The following CALN1 variants were observed in gnomAD, a reference collection of about 807,000 sequenced individuals.
The protein encoded by CALN1 is calcium-binding protein 8.
Under a neutral mutation model 30.6 loss-of-function variants are expected in CALN1, and 17 were observed. The observed-to-expected ratio is 0.56, with a 90% confidence interval of 0.38 to 0.83. The LOEUF is 0.83. Ranked by LOEUF, CALN1 falls within the 40% of genes least tolerant of loss-of-function variation. CALN1 has a pLI of 0.00. For missense variants in CALN1, 291 were observed against 354.9 expected (o/e 0.82, Z 1.45); for synonymous variants, 156 against 131.4 (o/e 1.19, Z -1.28).
intron 5 of CALN1, among the ~76,000 whole-genome samples, chr7:71,888,625 A>T (rs1479999647): frequency 6.6e-6 from 1 of 152,180 alleles, no homozygotes; most frequent in African/African-American, 2.4e-5. Flanking sequence ...GGAGGCATCA[A>T]TAAAGTGAAG....
chr7:72,349,201 G>GA (rs898221262), intron 2 of CALN1, among the ~76,000 whole-genome samples: 5 of 152,040 alleles, frequency 3.3e-5, no homozygotes, highest in Admixed American at 1.3e-4. Context: ...TGGCAGGTGG[G>GA]ACAATATCAA....
intron 1 of CALN1, among the ~76,000 whole-genome samples, chr7:72,406,234 C>T (rs73702936): frequency 5.3e-5 from 8 of 152,122 alleles, no homozygotes; most frequent in South Asian, 4.1e-4. Flanking sequence ...CTGCACAAGC[C>T]GGACTAACCA....
intron 2 of CALN1, among the ~76,000 whole-genome samples, chr7:72,318,505 C>CA (rs1416347027): frequency 6.6e-6 from 1 of 152,110 alleles, no homozygotes; most frequent in Non-Finnish European, 1.5e-5. Context: ...ATCAAATGTA[C>CA]AGCTAGCTCT....
At chr7:71,980,179 T>C (rs1390690088) in intron 5 of CALN1, among the ~76,000 whole-genome samples, 2 of 143,276 alleles carry the variant, frequency 1.4e-5, no homozygotes, top group Non-Finnish European at 3.0e-5. Context: ...GCCTGGCCTC[T>C]TCTTTTTCTT....
chr7:71,871,285 T>C (rs1791910844), intron 5 of CALN1, among the ~76,000 whole-genome samples: 1 of 152,238 alleles, frequency 6.6e-6, no homozygotes, highest in South Asian at 2.1e-4. Flanking sequence ...ATGTTTTTGC[T>C]AACACTGGCT....
At chr7:71,894,756 A>G (rs570614892) in intron 5 of CALN1, among the ~76,000 whole-genome samples, 28 of 152,318 alleles carry the variant, frequency 1.8e-4, no homozygotes, top group African/African-American at 5.5e-4. Context: ...TGAGAGCATG[A>G]TATGTTTTTT....
intron 2 of CALN1, among the ~76,000 whole-genome samples, chr7:72,387,895 A>G (rs990266202): frequency 1.6e-4 from 25 of 152,128 alleles, no homozygotes; most frequent in Admixed American, 7.9e-4. Context: ...GAATTGGGGG[A>G]TAGGGGTAGG....
intron 3 of CALN1, among the ~76,000 whole-genome samples, chr7:72,163,391 T>TAAAAAAAAAAAAAAAAAAAAAAAAA (rs1563111506): frequency 7.7e-6 from 1 of 130,428 alleles, no homozygotes; most frequent in African/African-American, 2.8e-5. Flanking sequence ...TTATTGGAGA[T>TAAAAAAAAAAAAAAAAAAAAAAAAA]TAAAAAAAAA....
chr7:72,154,502 C>G (rs1287819295), intron 3 of CALN1, among the ~76,000 whole-genome samples: 18 of 152,118 alleles, frequency 1.2e-4, no homozygotes, highest in Non-Finnish European at 2.5e-4. Context: ...CTTGAGGATA[C>G]CAATGTGTCA....
intron 3 of CALN1, among the ~76,000 whole-genome samples, chr7:72,153,999 A>T (rs1787462058): frequency 1.3e-5 from 2 of 152,150 alleles, no homozygotes; most frequent in African/African-American, 4.8e-5. Flanking sequence ...ACTGGCCCAG[A>T]GTAACTTCTC....
At chr7:72,195,585 T>C (rs1790930988) in intron 3 of CALN1, among the ~76,000 whole-genome samples, 1 of 152,232 alleles carries the variant, frequency 6.6e-6, no homozygotes, top group Admixed American at 6.5e-5. Context: ...CACTATGTTG[T>C]CCAGGCTGCT....
At chr7:72,376,523 A>G (rs77253094) in intron 2 of CALN1, among the ~76,000 whole-genome samples, 1 of 152,316 alleles carries the variant, frequency 6.6e-6, no homozygotes, top group Non-Finnish European at 1.5e-5. Context: ...TTGGAGAAAT[A>G]TCTACTCTAA....
chr7:72,135,522 T>C (rs141651180), intron 3 of CALN1, among the ~76,000 whole-genome samples: 7 of 152,320 alleles, frequency 4.6e-5, no homozygotes, highest in African/African-American at 1.7e-4. Flanking sequence ...TGAGCAGGAA[T>C]ATTTTGAAAG....
intron 2 of CALN1, among the ~76,000 whole-genome samples, chr7:72,348,878 A>G (rs1802780031): frequency 1.3e-5 from 2 of 152,236 alleles, no homozygotes; most frequent in Admixed American, 6.5e-5. Flanking sequence ...CAGAAACTCA[A>G]CAACATAACA....
At chr7:71,914,291 A>G (rs2867560) in intron 5 of CALN1, among the ~76,000 whole-genome samples, 47,651 of 152,016 alleles carry the variant, frequency 0.31, 8,569 homozygotes, top group East Asian at 0.53. Context: ...ACTTATAAGT[A>G]AGAACATGCA....
At chr7:72,328,129 T>C (rs1472696312) in intron 2 of CALN1, among the ~76,000 whole-genome samples, 1 of 151,978 alleles carries the variant, frequency 6.6e-6, no homozygotes, top group African/African-American at 2.4e-5. Context: ...AAAAAAAATG[T>C]TTACTTTCAT....
chr7:71,798,117 C>CAGAGAGAGAGAGAGAGAGAGAGAG (rs1787056838), intron 6 of CALN1, among the ~76,000 whole-genome samples: 1 of 62,296 alleles, frequency 1.6e-5, no homozygotes, highest in Non-Finnish European at 3.1e-5. Context: ...GAGACAGAGA[C>CAGAGAGAGAGAGAGAGAGAGAGAG]AGAGACAGAG....
the CALN1 span, among the ~76,000 whole-genome samples, chr7:72,495,417 G>A: frequency 1.3e-5 from 2 of 152,148 alleles, no homozygotes; most frequent in African/African-American, 4.8e-5. Flanking sequence ...CGGTCCTTCA[G>A]TAAATATTGA....
At chr7:71,819,146 C>A (rs542585106) in intron 5 of CALN1, among the ~76,000 whole-genome samples, 6 of 151,966 alleles carry the variant, frequency 3.9e-5, no homozygotes, top group African/African-American at 1.5e-4. Context: ...TGCACCACCA[C>A]TTGTTTTTAT....
Sources: allele counts gnomAD v4.1 joint callset (sites outside exome capture counted in the v4.1 genomes callset), GRCh38; gene constraint gnomAD v4.1.1; transcripts MANE v1.5; gene names NCBI Gene and HGNC (gene_info 2026-07-23, HGNC 2026-07-21).